The following SEMA3A variants were observed in gnomAD, a reference collection of about 807,000 sequenced individuals.
SEMA3A encodes the protein semaphorin 3A, also known as semaphorin-3A.
In SEMA3A, 29 loss-of-function variants were observed where a neutral mutation model predicts 97.9. That is an observed-to-expected ratio of 0.30 (90% CI 0.22 to 0.40). The LOEUF is 0.40. Among genes scored for constraint, SEMA3A ranks in the 10% least tolerant of loss-of-function variants. The pLI is 1.00. For missense variants in SEMA3A, 763 were observed against 951.3 expected (o/e 0.80, Z 2.60); for synonymous variants, 321 against 323.7 (o/e 0.99, Z 0.09).
chr7:84,410,770 C>A (rs935405360), intron 1 of SEMA3A, among the ~76,000 whole-genome samples: 2 of 152,052 alleles, frequency 1.3e-5, no homozygotes, highest in Non-Finnish European at 2.9e-5. Flanking sequence ...TGTCAAATTG[C>A]TTGGGGGAGC....
intron 1 of SEMA3A, among the ~76,000 whole-genome samples, chr7:84,395,380 G>A (rs956400661): frequency 6.6e-6 from 1 of 151,286 alleles, no homozygotes; most frequent in African/African-American, 2.4e-5. Flanking sequence ...AGTACCATGA[G>A]TGAAAACTAG....
In SEMA3A at chr7:84,287,396, G is replaced by A. The variant is rs1800618617; in HGVS notation, c.-83+19811C>T. On this transcript the variant is annotated intron_variant, in intron 3 of 3. Transcript: ENST00000424555. ...AAAAAATTTTTAGTATATTCCATTT[G>A]CTTTGAATGTAAAGTATTTCTGTTT... Among the ~76,000 whole-genome samples, 3 of 151,868 alleles carry A rather than the reference G, an allele frequency of 2.0e-5. 1 individual carries two copies. Among genetic ancestry groups the A allele is most frequent in the Non-Finnish European group, 1.5e-5 (1 of 67,950 alleles).
chr7:84,227,887 G>A (rs1799025273), intron 3 of SEMA3A, among the ~76,000 whole-genome samples: 1 of 151,550 alleles, frequency 6.6e-6, no homozygotes, highest in Non-Finnish European at 1.5e-5. Context: ...AATGATGTAA[G>A]TCTCTGTGTG....
At chr7:84,347,565 C>A (rs1055041157) in intron 2 of SEMA3A, among the ~76,000 whole-genome samples, 2 of 152,046 alleles carry the variant, frequency 1.3e-5, no homozygotes, top group Admixed American at 6.5e-5. Flanking sequence ...GCGTGCGCCA[C>A]CACGCCCGGC....
At chr7:84,132,826 T>A (rs2116036040) in intron 2 of SEMA3A, among the ~76,000 whole-genome samples, 2 of 151,838 alleles carry the variant, frequency 1.3e-5, no homozygotes, top group Middle Eastern at 6.8e-3. Flanking sequence ...CAGGCACTCA[T>A]TACCACACCC....
chr7:84,378,567 G>A (rs560278066), intron 1 of SEMA3A, among the ~76,000 whole-genome samples: 3 of 152,192 alleles, frequency 2.0e-5, no homozygotes, highest in Admixed American at 6.5e-5. Flanking sequence ...GGGGTGTTGG[G>A]GGCAAGGGGA....
At chr7:84,319,078 A>G (rs1237969901) in intron 2 of SEMA3A, among the ~76,000 whole-genome samples, 2 of 152,224 alleles carry the variant, frequency 1.3e-5, no homozygotes, top group African/African-American at 4.8e-5. Flanking sequence ...GGTTATTTTA[A>G]TACTTAAAAC....
At chr7:84,314,710 T>C (rs1369522815) in intron 2 of SEMA3A, among the ~76,000 whole-genome samples, 1 of 152,224 alleles carries the variant, frequency 6.6e-6, no homozygotes, top group African/African-American at 2.4e-5. Flanking sequence ...AAAAGGCATA[T>C]AGAAGATAGC....
chr7:84,186,815 T>C (rs1285338578), intron 1 of SEMA3A, among the ~76,000 whole-genome samples: 1 of 151,798 alleles, frequency 6.6e-6, no homozygotes, highest in Non-Finnish European at 1.5e-5. Context: ...TAAATACCAA[T>C]CTATAGATCT....
At chr7:84,110,160 C>T (rs192235630) in intron 4 of SEMA3A, among the ~76,000 whole-genome samples, 3 of 152,210 alleles carry the variant, frequency 2.0e-5, no homozygotes, top group Admixed American at 1.3e-4. Flanking sequence ...TGGCAATATA[C>T]AAATGAAGGA....
At chr7:84,182,041 G>C (rs1426328258) in intron 1 of SEMA3A, among the ~76,000 whole-genome samples, 1 of 152,040 alleles carries the variant, frequency 6.6e-6, no homozygotes, top group Admixed American at 6.6e-5. Flanking sequence ...TGGCTTCCAA[G>C]TGTCTTCTGT....
intron 3 of SEMA3A, among the ~76,000 whole-genome samples, chr7:84,291,136 T>C (rs890506314): frequency 2.0e-5 from 3 of 152,106 alleles, no homozygotes; most frequent in Non-Finnish European, 4.4e-5. Flanking sequence ...TACCTTGGAA[T>C]GATTTTTGTA....
At position 84,011,022 on chromosome 7, in the gene SEMA3A, C is replaced by T. The variant is rs779632840; in HGVS notation, c.995G>A (p.Ser332Asn). 1 of 1,597,942 alleles carries T rather than the reference C, an allele frequency of 6.3e-7. No homozygotes were observed. The highest frequency in any genetic ancestry group is 1.7e-5 in the Admixed American group (1 of 58,508). Residue 332 changes from serine (S) to asparagine (N), a missense_variant and splice_region_variant, in exon 9 of 17, where the codon AGT (serine) becomes AAT (asparagine). Transcript: ENST00000265362. The stretch of plus-strand genomic sequence containing the variant: ...ATAAGGTAGTTAAAAAGTTACTTAC[C>T]TGGAAGTCGTAAACACTCCATATAC... ...PVVYGVFTTS[S>N]NIFKGSAVCM...
At chr7:84,071,408 C>T (rs1421713852) in intron 4 of SEMA3A, among the ~76,000 whole-genome samples, 1 of 152,084 alleles carries the variant, frequency 6.6e-6, no homozygotes, top group African/African-American at 2.4e-5. Context: ...GGAGGGATCA[C>T]ACTGAAAACA....
At chr7:84,048,925 G>A (rs1482276373) in intron 5 of SEMA3A, among the ~76,000 whole-genome samples, 1 of 151,966 alleles carries the variant, frequency 6.6e-6, no homozygotes, top group East Asian at 1.9e-4. Flanking sequence ...GATAGAAAAG[G>A]TGTTTGTCTC....
At chr7:84,364,658 A>C (rs1802802475) in intron 2 of SEMA3A, among the ~76,000 whole-genome samples, 1 of 151,738 alleles carries the variant, frequency 6.6e-6, no homozygotes, top group Non-Finnish European at 1.5e-5. Context: ...TACTTGCATT[A>C]CCATGCTGTC....
intron 5 of SEMA3A, among the ~76,000 whole-genome samples, chr7:84,059,361 A>G (rs1375474472): frequency 6.6e-6 from 1 of 152,146 alleles, no homozygotes; most frequent in Non-Finnish European, 1.5e-5. Context: ...TCTTAATAGA[A>G]TAAGGATCAG....
intron 6 of SEMA3A, among the ~76,000 whole-genome samples, chr7:84,015,766 C>A (rs1188787939): frequency 6.6e-6 from 1 of 152,124 alleles, no homozygotes; most frequent in Non-Finnish European, 1.5e-5. Context: ...ATGCGTGTAA[C>A]CTTTTAACAT....
intron 2 of SEMA3A, among the ~76,000 whole-genome samples, chr7:84,134,064 A>C (rs553953931): frequency 1.4e-4 from 22 of 152,064 alleles, no homozygotes; most frequent in East Asian, 1.4e-3. Context: ...CCATCTCAAA[A>C]AACAACAACA....
Sources: allele counts gnomAD v4.1 joint callset (sites outside exome capture counted in the v4.1 genomes callset), GRCh38; gene constraint gnomAD v4.1.1; transcripts MANE v1.5; gene names NCBI Gene and HGNC (gene_info 2026-07-23, HGNC 2026-07-21).